Variants in PTGER3 observed in about 807,000 individuals in gnomAD.
The protein encoded by PTGER3 is prostaglandin E receptor 3, also known as prostaglandin E2 receptor EP3 subtype.
PTGER3 carries 22 observed loss-of-function variants against 34.7 expected under a neutral mutation model. That is an observed-to-expected ratio of 0.63 (90% CI 0.45 to 0.91). PTGER3 has a LOEUF of 0.91. Among genes scored for constraint, PTGER3 ranks in the 40% least tolerant of loss-of-function variants. The pLI, the probability that PTGER3 is intolerant of heterozygous loss-of-function variation, is 0.00. For missense variants in PTGER3, 468 were observed against 519.4 expected (o/e 0.90, Z 0.96); for synonymous variants, 241 against 230.1 (o/e 1.05, Z -0.43).
At chr1:71,004,875 TG>T (rs1174422323) in intron 2 of PTGER3, among the ~76,000 whole-genome samples, 1 of 152,338 alleles carries the variant, frequency 6.6e-6, no homozygotes, top group East Asian at 1.9e-4. Context: ...AGACACAAAC[TG>T]GCATTCTAGT....
At chr1:70,935,189 C>A (rs1177554210) in intron 4 of PTGER3, among the ~76,000 whole-genome samples, 1 of 152,078 alleles carries the variant, frequency 6.6e-6, no homozygotes, top group Non-Finnish European at 1.5e-5. Context: ...AGAAATAATT[C>A]ATAAGAGGTC....
intron 1 of PTGER3, among the ~76,000 whole-genome samples, chr1:71,026,668 T>C (rs1658952557): frequency 6.6e-6 from 1 of 151,202 alleles, no homozygotes; most frequent in African/African-American, 2.4e-5. Flanking sequence ...TTTAGATTAA[T>C]ACTATATTAT....
intron 2 of PTGER3, among the ~76,000 whole-genome samples, chr1:70,985,623 T>G (rs1319774017): frequency 6.6e-6 from 1 of 152,194 alleles, no homozygotes; most frequent in Non-Finnish European, 1.5e-5. Flanking sequence ...TGTGATCAAT[T>G]AAGCAGCTGA....
chr1:70,856,022 G>A (rs1014622528), intron 4 of PTGER3, among the ~76,000 whole-genome samples: 1 of 152,018 alleles, frequency 6.6e-6, no homozygotes, highest in Admixed American at 6.6e-5. Flanking sequence ...ATATGGCCTG[G>A]ATGTTTCATA....
rs144943298 is a variant in PTGER3, at chr1:70,887,398, G to T, written c.*24-34539C>A. Among the ~76,000 whole-genome samples, 135 of 152,246 alleles carry T rather than the reference G, an allele frequency of 8.9e-4. 1 individual carries two copies. Among genetic ancestry groups the T allele is most frequent in the East Asian group, 4.1e-3 (21 of 5,178 alleles). On this transcript the variant is annotated intron_variant, in intron 4 of 4. Transcript: ENST00000370931. ...TGATTTTCTGCATGTTGCTGGTTAT[G>T]CTTATTACAGTTCTTTCTCTTCTTT...
intron 2 of PTGER3, among the ~76,000 whole-genome samples, chr1:70,990,129 G>A (rs532232652): frequency 1.3e-4 from 20 of 151,780 alleles, no homozygotes; most frequent in East Asian, 5.8e-4. Flanking sequence ...CGAGTTGGGC[G>A]GATCACGAGG....
intron 4 of PTGER3, among the ~76,000 whole-genome samples, chr1:70,924,128 A>G (rs547543015): frequency 3.8e-4 from 58 of 152,238 alleles, no homozygotes; most frequent in African/African-American, 1.4e-3. Context: ...ACTTGTAGGT[A>G]TCTGAGTGTG....
chr1:70,908,785 C>A (rs1250626688), intron 4 of PTGER3, among the ~76,000 whole-genome samples: 1 of 152,178 alleles, frequency 6.6e-6, no homozygotes, highest in Non-Finnish European at 1.5e-5. Flanking sequence ...ATCTTTGTAA[C>A]AATAGTAGTA....
chr1:71,002,179 C>T (rs1378373206), intron 2 of PTGER3: 1 of 152,116 alleles, frequency 6.6e-6, no homozygotes, highest in South Asian at 2.1e-4. Flanking sequence ...GGGAGGATCA[C>T]TTAAGCCAGG....
At chr1:70,873,550 ATTTGT>A (rs1646208087) in intron 4 of PTGER3, among the ~76,000 whole-genome samples, 3 of 151,320 alleles carry the variant, frequency 2.0e-5, no homozygotes, top group South Asian at 2.1e-4. Context: ...ATTTAGAGAG[ATTTGT>A]TTTGTTTATT....
chr1:70,897,530 A>C (rs1646746715), intron 4 of PTGER3, among the ~76,000 whole-genome samples: 1 of 152,122 alleles, frequency 6.6e-6, no homozygotes, highest in African/African-American at 2.4e-5. Flanking sequence ...TCAGTTCTTT[A>C]TGACTCCCAC....
chr1:70,894,065 T>C (rs1265976925), intron 4 of PTGER3, among the ~76,000 whole-genome samples: 1 of 152,184 alleles, frequency 6.6e-6, no homozygotes, highest in African/African-American at 2.4e-5. Context: ...CCCAGCTCTT[T>C]GGGAGGCCAA....
At chr1:70,900,502 G>T (rs548606025) in intron 4 of PTGER3, among the ~76,000 whole-genome samples, 4 of 152,092 alleles carry the variant, frequency 2.6e-5, no homozygotes, top group Admixed American at 2.6e-4. Context: ...TATCTCTTTT[G>T]TTGGCAATTT....
intron 2 of PTGER3, chr1:71,007,927 G>C: frequency 2.0e-6 from 2 of 985,250 alleles, no homozygotes; most frequent in Non-Finnish European, 2.4e-6. Flanking sequence ...AGGCTGACTT[G>C]TTTCTGATGG....
At chr1:70,935,693 A>ATATATATATATATATATATATATT (rs1491421864) in intron 4 of PTGER3, among the ~76,000 whole-genome samples, 7 of 140,726 alleles carry the variant, frequency 5.0e-5, no homozygotes, top group African/African-American at 1.8e-4. Flanking sequence ...ATATATATAT[A>ATATATATATATATATATATATATT]TGTTCTGCTT....
chr1:70,861,823 C>A (rs1006091010), intron 4 of PTGER3, among the ~76,000 whole-genome samples: 8 of 152,060 alleles, frequency 5.3e-5, no homozygotes, highest in Non-Finnish European at 1.0e-4. Flanking sequence ...AAAGCAAACT[C>A]TCATTTCTTA....
At chr1:70,937,101 G>A (rs1649298828) in intron 4 of PTGER3, among the ~76,000 whole-genome samples, 1 of 152,168 alleles carries the variant, frequency 6.6e-6, no homozygotes, top group Non-Finnish European at 1.5e-5. Context: ...GCCATTTAAA[G>A]ACACGAGGAA....
At chr1:70,877,336 G>C (rs1322233339) in intron 4 of PTGER3, among the ~76,000 whole-genome samples, 2 of 152,128 alleles carry the variant, frequency 1.3e-5, no homozygotes, top group African/African-American at 4.8e-5. Context: ...TTTTTTATCA[G>C]ATCTAAGAGC....
intron 4 of PTGER3, among the ~76,000 whole-genome samples, chr1:70,880,039 C>T (rs1646356920): frequency 1.3e-5 from 2 of 151,960 alleles, no homozygotes; most frequent in Non-Finnish European, 2.9e-5. Flanking sequence ...TTGAAGTGAG[C>T]CAAGATTGTA....
Sources: allele counts gnomAD v4.1 joint callset (sites outside exome capture counted in the v4.1 genomes callset), GRCh38; gene constraint gnomAD v4.1.1; transcripts MANE v1.5; gene names NCBI Gene and HGNC (gene_info 2026-07-23, HGNC 2026-07-21).